Variants in BPTF observed in about 807,000 individuals in gnomAD.
BPTF encodes the protein bromodomain PHD finger transcription factor, also known as nucleosome-remodeling factor subunit BPTF.
In BPTF, 18 loss-of-function variants were observed where a neutral mutation model predicts 292.5. The observed-to-expected ratio is 0.06, with a 90% confidence interval of 0.04 to 0.09. The LOEUF is 0.09. BPTF is among the 10% of genes least tolerant of loss of function. BPTF has a pLI of 1.00. For missense variants in BPTF, 2,726 were observed against 3,498.7 expected (o/e 0.78, Z 5.57); for synonymous variants, 1,225 against 1,251.9 (o/e 0.98, Z 0.45).
At chr17:67,862,745 A>G (rs2145333604) in intron 2 of BPTF, among the ~76,000 whole-genome samples, 1 of 152,266 alleles carries the variant, frequency 6.6e-6, no homozygotes, top group East Asian at 1.9e-4. Flanking sequence ...TTTGGAGAAT[A>G]GAAGTCTAAA....
At chr17:67,910,816 A>G in intron 10 of BPTF, 61 bp from the exon 11 acceptor site, 5 of 1,199,368 alleles carry the variant, frequency 4.2e-6, no homozygotes, top group South Asian at 2.7e-5. Flanking sequence ...AAAAATATAT[A>G]TATATAAATT....
At chr17:67,968,779 C>A in intron 26 of BPTF, among the ~76,000 whole-genome samples, 1 of 97,766 alleles carries the variant, frequency 1.0e-5, no homozygotes, top group Non-Finnish European at 2.1e-5. Context: ...CAGAGCGAGA[C>A]ACGTCTCAAA....
intron 1 of BPTF, among the ~76,000 whole-genome samples, chr17:67,828,641 G>T (rs565452607): frequency 2.0e-3 from 306 of 152,270 alleles, no homozygotes; most frequent in African/African-American, 7.1e-3. Context: ...CAATTCTCCT[G>T]CCTCAGCCTC....
intron 27 of BPTF, among the ~76,000 whole-genome samples, chr17:67,978,532 C>T (rs1555695268): frequency 2.0e-5 from 3 of 149,228 alleles, no homozygotes; most frequent in South Asian, 2.1e-4. Context: ...CTGCAGACCT[C>T]GTGATCCGCC....
chr17:67,881,212 T>G (rs1028481424), intron 4 of BPTF, among the ~76,000 whole-genome samples: 5 of 152,144 alleles, frequency 3.3e-5, no homozygotes, highest in Non-Finnish European at 5.9e-5. Context: ...GATTAAAGAT[T>G]AAACTGAAAA....
rs771043587 is a variant in BPTF, at chr17:67,912,322, A to G, written c.4438A>G (p.Ser1480Gly). The G allele has an allele frequency of 1.9e-6, 3 of 1,613,896 alleles. No individual in the cohort carries two copies. The highest frequency in any genetic ancestry group is 3.3e-5 in the Admixed American group (2 of 60,016). The change falls in exon 11 of 28, where the codon AGC becomes GGC. Residue 1480 changes from serine (S) to glycine (G), a missense_variant. Transcript: ENST00000306378. ...VIMEDFNERN[S>G]SETKSHLLSS... is the part of the protein sequence containing the mutation. The stretch of plus-strand genomic sequence containing the variant: ...CATGGAAGATTTTAATGAAAGAAAC[A>G]GCTCCGAAACAAAATCGCATTTGCT...
At chr17:67,921,133 C>T (rs140234292) in intron 13 of BPTF, among the ~76,000 whole-genome samples, 2,575 of 146,962 alleles carry the variant, frequency 0.018, 67 homozygotes, top group African/African-American at 0.056. Context: ...TTGCTTGAGC[C>T]TGGGAAGTGG....
chr17:67,872,906 A>G (rs760486512), intron 3 of BPTF, among the ~76,000 whole-genome samples: 5 of 151,362 alleles, frequency 3.3e-5, no homozygotes, highest in Non-Finnish European at 7.4e-5. Flanking sequence ...ACATAGTGAG[A>G]CTCCATCTCT....
chr17:67,960,185 AAGG>A, intron 24 of BPTF: 1 of 242,058 alleles, frequency 4.1e-6, no homozygotes, highest in Non-Finnish European at 8.0e-6. Flanking sequence ...ATGTCTGGAG[AAGG>A]AGGTGTATTA....
At chr17:67,926,893 AC>A (rs1386874863) in intron 15 of BPTF, among the ~76,000 whole-genome samples, 2 of 147,888 alleles carry the variant, frequency 1.4e-5, no homozygotes, top group Non-Finnish European at 3.0e-5. Flanking sequence ...ACACTACCAC[AC>A]CCACCTTTGC....
chr17:67,825,537 G>T lies in BPTF; in HGVS notation c.-188G>T, dbSNP rs752406634. The T allele has an allele frequency of 4.7e-6, 2 of 425,480 alleles. No individual in the cohort carries two copies. The highest frequency in any genetic ancestry group is 1.7e-5 in the South Asian group (1 of 59,860). The allele number at this position is 425,480 out of a possible 1,614,324, so 26.4% of individuals were successfully genotyped here. A position where few individuals can be genotyped will look rare whatever the true frequency, so the allele number is the denominator to read the frequency against. On this transcript the variant is annotated 5_prime_UTR_variant, in exon 1 of 28. Coordinates refer to ENST00000306378, the MANE Select transcript of BPTF (RefSeq NM_182641.4). The stretch of plus-strand genomic sequence containing the variant: ...GCGAGAGGGAAGAAACAAGATGGCG[G>T]CTGAAGGCGATCCGGAGTGGGGCCC...
chr17:67,973,036 T>TA (rs2068946053), intron 26 of BPTF, among the ~76,000 whole-genome samples: 1 of 144,204 alleles, frequency 6.9e-6, no homozygotes, highest in South Asian at 2.1e-4. Flanking sequence ...AATATATATA[T>TA]TTATATATAT....
chr17:67,954,703 T>A (rs1399246442), intron 23 of BPTF, among the ~76,000 whole-genome samples: 1 of 152,228 alleles, frequency 6.6e-6, no homozygotes, highest in Non-Finnish European at 1.5e-5. Flanking sequence ...TTATTTTCAT[T>A]TGTATGTTTT....
intron 26 of BPTF, among the ~76,000 whole-genome samples, chr17:67,970,112 A>G (rs1599005045): frequency 1.3e-5 from 2 of 151,990 alleles, no homozygotes; most frequent in East Asian, 3.9e-4. Context: ...ACATGCCTGT[A>G]ATCCCAGCTA....
intron 7 of BPTF, among the ~76,000 whole-genome samples, chr17:67,903,342 T>C (rs2061975662): frequency 6.6e-6 from 1 of 152,240 alleles, no homozygotes; most frequent in Non-Finnish European, 1.5e-5. Flanking sequence ...TAATAAATTA[T>C]GGCATATCCA....
intron 13 of BPTF, among the ~76,000 whole-genome samples, chr17:67,921,505 A>G (rs541607500): frequency 4.4e-4 from 67 of 152,184 alleles, no homozygotes; most frequent in African/African-American, 1.6e-3. Flanking sequence ...TAGCATGGGC[A>G]ACAGAGTGAG....
Position 67,909,574 on chromosome 17 carries a change from C to G in BPTF, c.2813-8C>G. ...TAACGTAAATTATCGTTACATGGTTCTTTTTAGCCAAAAATAATATGGATG... is the reference window on the plus strand; with the variant it reads ...TAACGTAAATTATCGTTACATGGTTGTTTTTAGCCAAAAATAATATGGATG... On this transcript the variant is annotated splice_region_variant and splice_polypyrimidine_tract_variant and intron_variant, in intron 9 of 27. Transcript: ENST00000306378. 1 of 1,519,632 alleles carries G rather than the reference C, an allele frequency of 6.6e-7. No homozygotes were observed. 94.1% of individuals were successfully genotyped at this position (1,519,632 alleles called of 1,614,324 possible).
At chr17:67,976,713 AAAT>A (rs2069508881) in intron 27 of BPTF, among the ~76,000 whole-genome samples, 1 of 138,332 alleles carries the variant, frequency 7.2e-6, no homozygotes, top group African/African-American at 2.8e-5. Flanking sequence ...AAAAAAAAAA[AAAT>A]AAGAATAAAA....
intron 7 of BPTF, 91 bp from the exon 8 acceptor site, chr17:67,903,698 G>A: frequency 8.2e-7 from 1 of 1,224,542 alleles, no homozygotes. Flanking sequence ...ATAACAGTCT[G>A]CTTTGTTTTC....
Sources: allele counts gnomAD v4.1 joint callset (sites outside exome capture counted in the v4.1 genomes callset), GRCh38; gene constraint gnomAD v4.1.1; transcripts MANE v1.5; gene names NCBI Gene and HGNC (gene_info 2026-07-23, HGNC 2026-07-21).